Variants in GPM6A observed in about 807,000 individuals in gnomAD.
GPM6A encodes neuronal membrane glycoprotein M6-a.
In GPM6A, 7 loss-of-function variants were observed where a neutral mutation model predicts 32.1. The ratio of observed to expected loss-of-function variants is 0.22; its 90% confidence interval spans 0.12 to 0.41. The LOEUF (loss-of-function observed/expected upper bound fraction) is 0.41. GPM6A is among the 10% of genes least tolerant of loss of function. The pLI, the probability that GPM6A is intolerant of heterozygous loss-of-function variation, is 1.00. For synonymous variants in GPM6A, 130 were observed against 123.4 expected (o/e 1.05, Z -0.35); for missense variants, 235 against 347.2 (o/e 0.68, Z 2.57).
intron 4 of GPM6A, among the ~76,000 whole-genome samples, chr4:175,650,270 TTTTATTTA>T (rs140528336): frequency 0.11 from 15,465 of 142,898 alleles, 966 homozygotes; most frequent in East Asian, 0.2. Context: ...GATTTCATTA[TTTTATTTA>T]TTTATTTATT....
At chr4:175,670,363 G>T (rs963578908) in intron 3 of GPM6A, among the ~76,000 whole-genome samples, 2 of 152,066 alleles carry the variant, frequency 1.3e-5, no homozygotes, top group Non-Finnish European at 2.9e-5. Flanking sequence ...AGAAAATTGG[G>T]GATGGGGGCA....
At chr4:175,920,231 T>C (rs1420081472) in intron 1 of GPM6A, among the ~76,000 whole-genome samples, 2 of 152,238 alleles carry the variant, frequency 1.3e-5, no homozygotes, top group Non-Finnish European at 2.9e-5. Context: ...GGATCCTACA[T>C]GTCTGGCAGG....
intron 4 of GPM6A, among the ~76,000 whole-genome samples, chr4:175,650,270 T>TTTTTTTTA (rs1232989662): frequency 2.7e-4 from 39 of 143,140 alleles, no homozygotes; most frequent in African/African-American, 8.3e-4. Flanking sequence ...GATTTCATTA[T>TTTTTTTTA]TTTATTTATT....
intron 1 of GPM6A, among the ~76,000 whole-genome samples, chr4:175,867,194 G>A (rs28486032): frequency 0.013 from 1,963 of 152,036 alleles, 27 homozygotes; most frequent in Middle Eastern, 0.031. Context: ...TTCTCTCAAT[G>A]TGTGGCTTGT....
At chr4:175,781,661 G>A (rs1579493789) in intron 1 of GPM6A, among the ~76,000 whole-genome samples, 1 of 152,098 alleles carries the variant, frequency 6.6e-6, no homozygotes, top group East Asian at 1.9e-4. Flanking sequence ...TCTCTATGCA[G>A]ATTATTCACA....
chr4:175,986,351 A>G (rs1740974267), intron 1 of GPM6A, among the ~76,000 whole-genome samples: 1 of 152,168 alleles, frequency 6.6e-6, no homozygotes, highest in African/African-American at 2.4e-5. Context: ...CCTGGGCAAC[A>G]TAGTGAGACC....
At chr4:175,996,625 C>A (rs1741315874) in intron 1 of GPM6A, among the ~76,000 whole-genome samples, 1 of 152,188 alleles carries the variant, frequency 6.6e-6, no homozygotes, top group South Asian at 2.1e-4. Context: ...TCCCAGTATT[C>A]TACCAACACA....
intron 1 of GPM6A, among the ~76,000 whole-genome samples, chr4:176,000,940 T>C (rs1438089466): frequency 6.6e-6 from 1 of 152,192 alleles, no homozygotes; most frequent in African/African-American, 2.4e-5. Flanking sequence ...AGACAGTCCT[T>C]CTTAAGACCA....
chr4:175,711,997 G>C (rs1368776217), intron 1 of GPM6A, among the ~76,000 whole-genome samples: 1 of 151,986 alleles, frequency 6.6e-6, no homozygotes, highest in East Asian at 1.9e-4. Context: ...AAATATAGCA[G>C]AAGTTTACAT....
chr4:175,888,953 T>C (rs1015051833), intron 1 of GPM6A, among the ~76,000 whole-genome samples: 1 of 152,130 alleles, frequency 6.6e-6, no homozygotes, highest in Non-Finnish European at 1.5e-5. Context: ...CTAGGCAAAT[T>C]GAAGAATGTA....
At chr4:175,789,316 CAT>C (rs2111270436) in intron 1 of GPM6A, among the ~76,000 whole-genome samples, 1 of 151,984 alleles carries the variant, frequency 6.6e-6, no homozygotes, top group Non-Finnish European at 1.5e-5. Flanking sequence ...TCAAAACATC[CAT>C]GTTTGAATTT....
At chr4:175,797,645 G>T (rs1419668741) in intron 1 of GPM6A, among the ~76,000 whole-genome samples, 1 of 152,086 alleles carries the variant, frequency 6.6e-6, no homozygotes, top group African/African-American at 2.4e-5. Context: ...AGCCTCAAGT[G>T]ATCTGCCCAC....
At chr4:175,952,214 T>G (rs1334086762) in intron 1 of GPM6A, among the ~76,000 whole-genome samples, 1 of 152,258 alleles carries the variant, frequency 6.6e-6, no homozygotes, top group Non-Finnish European at 1.5e-5. Context: ...AAAATCTGTT[T>G]GACTCTTGAG....
At chr4:175,791,481 C>T (rs750082632) in intron 1 of GPM6A, among the ~76,000 whole-genome samples, 6 of 152,110 alleles carry the variant, frequency 3.9e-5, no homozygotes, top group Admixed American at 6.5e-5. Flanking sequence ...CATTATTTGA[C>T]ATTAATTTGT....
At chr4:175,845,523 C>A (rs1428639482) in intron 1 of GPM6A, among the ~76,000 whole-genome samples, 1 of 152,060 alleles carries the variant, frequency 6.6e-6, no homozygotes, top group African/African-American at 2.4e-5. Context: ...TATAGAGTTA[C>A]CGTTGTGCTT....
At chr4:175,899,842 A>C (rs1055186578) in intron 1 of GPM6A, among the ~76,000 whole-genome samples, 6 of 152,170 alleles carry the variant, frequency 3.9e-5, no homozygotes, top group African/African-American at 7.2e-5. Context: ...TCACAAGCAC[A>C]GGCAACCAAA....
Position 175,717,673 on chromosome 4 carries a change from G to T in GPM6A, c.38-15906C>A, listed in dbSNP as rs576821492. Among the ~76,000 whole-genome samples, 9 of 152,146 alleles carry T rather than the reference G, an allele frequency of 5.9e-5. No individual in the cohort carries two copies. The South Asian group carries it at 1.0e-3, about 18-fold the overall frequency. Reference sequence around the variant, plus strand: ...ACAATTAAAGAAGAGAGGACCAGTTGATAAGATTGGTCCTCTAGGAAAAAG... The same window carrying T: ...ACAATTAAAGAAGAGAGGACCAGTTTATAAGATTGGTCCTCTAGGAAAAAG... On this transcript the variant is annotated intron_variant, in intron 1 of 6. Transcript: ENST00000393658.
chr4:175,680,296 C>T (rs1743611169), intron 2 of GPM6A, among the ~76,000 whole-genome samples: 1 of 152,120 alleles, frequency 6.6e-6, no homozygotes, highest in African/African-American at 2.4e-5. Flanking sequence ...ATTTGTACGT[C>T]TTTCTTCCAT....
chr4:175,711,457 TACACACAC>T (rs763949633), intron 1 of GPM6A, among the ~76,000 whole-genome samples: 23 of 27,968 alleles, frequency 8.2e-4, no homozygotes, highest in South Asian at 1.2e-3. Flanking sequence ...TATATATATA[TACACACAC>T]ATACATACAT....
Sources: gnomAD v4.1 joint callset for allele counts (sites outside exome capture counted in the v4.1 genomes callset) on GRCh38, gnomAD v4.1.1 for gene constraint, MANE v1.5 for transcripts, NCBI Gene and HGNC (gene_info 2026-07-23, HGNC 2026-07-21) for gene names.